CDH13: variants seen among roughly 807,000 people sequenced by gnomAD.
The protein encoded by CDH13 is cadherin 13.
A neutral mutation model predicts 63.8 loss-of-function variants in CDH13; 24 were observed. The ratio of observed to expected loss-of-function variants is 0.38; its 90% CI spans 0.27 to 0.53. CDH13 has a LOEUF of 0.53. Ranked by LOEUF, CDH13 falls within the 20% of genes least tolerant of loss-of-function variation. CDH13 has a pLI of 0.85. For missense variants in CDH13, 1,049 were observed against 903.1 expected (o/e 1.16, Z -2.07); for synonymous variants, 503 against 355.3 (o/e 1.42, Z -4.67).
At chr16:83,295,591 A>G (rs548249170) in intron 5 of CDH13, among the ~76,000 whole-genome samples, 1 of 146,986 alleles carries the variant, frequency 6.8e-6, no homozygotes, top group African/African-American at 2.4e-5. Context: ...CAACATCACT[A>G]ATAATAGAAA....
chr16:83,091,757 A>G (rs923975332), intron 3 of CDH13, among the ~76,000 whole-genome samples: 2 of 152,232 alleles, frequency 1.3e-5, no homozygotes, highest in Non-Finnish European at 2.9e-5. Flanking sequence ...TGTTCACTAC[A>G]TACTATATCC....
intron 5 of CDH13, among the ~76,000 whole-genome samples, chr16:83,223,591 G>T (rs79136234): frequency 3.0e-3 from 461 of 152,314 alleles, no homozygotes; most frequent in African/African-American, 0.011. Flanking sequence ...AAAAGAGCCA[G>T]GTGACTTTGC....
intron 3 of CDH13, among the ~76,000 whole-genome samples, chr16:83,050,418 G>A (rs1320472096): frequency 1.3e-5 from 2 of 152,056 alleles, no homozygotes; most frequent in African/African-American, 2.4e-5. Context: ...CAGAGCATTG[G>A]CAGTCCTTGA....
chr16:82,798,940 G>C (rs947139051), intron 1 of CDH13, among the ~76,000 whole-genome samples: 3 of 152,128 alleles, frequency 2.0e-5, no homozygotes, highest in Admixed American at 6.5e-5. Context: ...CTGAGGCCCA[G>C]AAAGGTGCCC....
intron 11 of CDH13, among the ~76,000 whole-genome samples, chr16:83,752,682 C>A (rs539947998): frequency 1.3e-5 from 2 of 152,354 alleles, no homozygotes; most frequent in South Asian, 4.1e-4. Context: ...CCTGTATGAA[C>A]TGTCTGGCTG....
intron 6 of CDH13, among the ~76,000 whole-genome samples, chr16:83,363,705 G>A (rs1028557857): frequency 2.6e-5 from 4 of 152,194 alleles, no homozygotes; most frequent in Non-Finnish European, 5.9e-5. Flanking sequence ...TGAGCAGGAT[G>A]TTCCGTCAGC....
intron 1 of CDH13, among the ~76,000 whole-genome samples, chr16:82,672,999 C>CTTTTTCTTTTT (rs1555531928): frequency 2.5e-5 from 2 of 81,280 alleles, no homozygotes; most frequent in African/African-American, 1.1e-4. Context: ...ATAAAGTTTT[C>CTTTTTCTTTTT]TTTTTTTTTT....
chr16:83,449,143 C>G (rs1350896124), intron 6 of CDH13, among the ~76,000 whole-genome samples: 1 of 152,100 alleles, frequency 6.6e-6, no homozygotes, highest in Non-Finnish European at 1.5e-5. Context: ...TTCCTCTGGA[C>G]AAAATAAATC....
chr16:83,066,158 C>T (rs747806637), intron 3 of CDH13, among the ~76,000 whole-genome samples: 6 of 152,148 alleles, frequency 3.9e-5, no homozygotes, highest in Non-Finnish European at 5.9e-5. Context: ...GAATGTGGCA[C>T]CTGTCTATAA....
chr16:83,612,292 A>T (rs1908928403), intron 8 of CDH13, among the ~76,000 whole-genome samples: 1 of 152,014 alleles, frequency 6.6e-6, no homozygotes, highest in Non-Finnish European at 1.5e-5. Flanking sequence ...TTCTGCTTTA[A>T]CATTTATCTC....
intron 2 of CDH13, chr16:82,953,778 G>C (rs1226719602): frequency 2.6e-5 from 4 of 152,168 alleles, no homozygotes; most frequent in African/African-American, 9.7e-5. Context: ...GGAAAGCCAA[G>C]ACAGGCTTCC....
intron 6 of CDH13, among the ~76,000 whole-genome samples, chr16:83,363,207 C>A (rs193147729): frequency 6.6e-6 from 1 of 152,256 alleles, no homozygotes; most frequent in Non-Finnish European, 1.5e-5. Flanking sequence ...GTTGATTTTC[C>A]TCGTATTTCT....
chr16:83,277,244 G>C (rs555098311), intron 5 of CDH13, among the ~76,000 whole-genome samples: 1 of 152,182 alleles, frequency 6.6e-6, no homozygotes, highest in African/African-American at 2.4e-5. Context: ...CCTTGCATTT[G>C]GATGGAAAGT....
rs560133883 is a variant in CDH13 at position 83,328,791 on chromosome 16, G to C, written c.637-16071G>C. Among the ~76,000 whole-genome samples the C allele has an allele frequency of 2.0e-5, 3 of 152,208 alleles. No homozygotes were observed. In the South Asian group the frequency reaches 6.2e-4, roughly 32 times the overall value. On this transcript the variant is annotated intron_variant, in intron 5 of 13. Transcript: ENST00000567109. The stretch of plus-strand genomic sequence containing the variant: ...TTGTACCAACATTCACCTAGTAGCT[G>C]ATGTTGATTCCTCTCTCACAAAGAC...
At chr16:83,704,358 A>G (rs543733184) in intron 10 of CDH13, among the ~76,000 whole-genome samples, 50 of 152,326 alleles carry the variant, frequency 3.3e-4, no homozygotes, top group African/African-American at 1.2e-3. Flanking sequence ...ATGCCAGAAT[A>G]TGAACACCGA....
At position 82,681,159 on chromosome 16, in the gene CDH13, G is replaced by A. The variant is rs149674991; in HGVS notation, c.45+54022G>A. ...AAGATTAAAGGGAAAATGCATCCAC[G>A]TGATAAAATATTATTCAGCCAGAAG... On this transcript the variant is annotated intron_variant, in intron 1 of 13. Coordinates refer to ENST00000567109, the MANE Select transcript of CDH13 (RefSeq NM_001257.5). 6.6e-4 allele frequency among the ~76,000 whole-genome samples: 101 copies of A among 152,328 alleles called. 1 individual carries two copies. Among genetic ancestry groups the A allele is most frequent in the Non-Finnish European group, 1.1e-3 (77 of 68,034 alleles).
At chr16:83,323,085 C>G (rs985729391) in intron 5 of CDH13, among the ~76,000 whole-genome samples, 3 of 151,914 alleles carry the variant, frequency 2.0e-5, no homozygotes, top group Admixed American at 2.0e-4. Flanking sequence ...GGTGGTTAGC[C>G]CACGGTCCCA....
At chr16:82,999,435 C>G (rs975467311) in intron 2 of CDH13, among the ~76,000 whole-genome samples, 1 of 150,730 alleles carries the variant, frequency 6.6e-6, no homozygotes, top group African/African-American at 2.5e-5. Flanking sequence ...AATATCATAA[C>G]CACATAACAC....
At chr16:82,872,734 C>T (rs1338031073) in intron 2 of CDH13, among the ~76,000 whole-genome samples, 1 of 152,094 alleles carries the variant, frequency 6.6e-6, no homozygotes, top group Non-Finnish European at 1.5e-5. Context: ...CTGCATTTGA[C>T]AAAATTCATT....
Sources: allele counts gnomAD v4.1 joint callset (sites outside exome capture counted in the v4.1 genomes callset), GRCh38; gene constraint gnomAD v4.1.1; transcripts MANE v1.5; gene names NCBI Gene and HGNC (gene_info 2026-07-23, HGNC 2026-07-21).